Variants in RPL17 observed in about 807,000 individuals in gnomAD.
The protein encoded by RPL17 is large ribosomal subunit protein uL22.
In RPL17, 2 loss-of-function variants were observed where a neutral mutation model predicts 27.7. The ratio of observed to expected loss-of-function variants is 0.07; its 90% CI spans 0.03 to 0.23. The LOEUF (loss-of-function observed/expected upper bound fraction) is 0.23, where lower values mean the gene tolerates loss of function less well. RPL17 is among the 10% of genes least tolerant of loss of function. The pLI is 1.00. For synonymous variants in RPL17, 76 were observed against 75.5 expected (o/e 1.01, Z -0.03); for missense variants, 141 against 238.8 (o/e 0.59, Z 2.70).
chr18:49,491,085 C>G, intron 3 of RPL17, 158 bp from the exon 4 acceptor site: 1 of 1,234,592 alleles, frequency 8.1e-7, no homozygotes, highest in Non-Finnish European at 1.1e-6. Flanking sequence ...GCCAGGTAAA[C>G]TTCGTTGAAG....
chr18:49,491,394 G>C lies in RPL17; in HGVS notation c.81+11C>G. 1 of 1,614,182 alleles carries C rather than the reference G, an allele frequency of 6.2e-7. No individual in the cohort carries two copies. The highest frequency in any genetic ancestry group is 1.1e-5 in the South Asian group (1 of 91,068). On this transcript the variant is annotated intron_variant, in intron 3 of 6. Coordinates refer to ENST00000580261, the MANE Select transcript of RPL17 (RefSeq NM_001035006.5). Reference sequence around the variant, plus strand: ...TGAGGAACTGTTGGATCACAACTATGAATCGCATACCTTAAAGTGAACACG... The same window carrying C: ...TGAGGAACTGTTGGATCACAACTATCAATCGCATACCTTAAAGTGAACACG...
intron 5 of RPL17, chr18:49,490,231 A>C (rs2148820205): frequency 1.9e-6 from 1 of 523,574 alleles, no homozygotes; most frequent in East Asian, 3.4e-5. Flanking sequence ...GTTAGGCTTA[A>C]AGAGACCACA....
chr18:49,490,194 G>C (rs1328659171), intron 5 of RPL17: 2 of 400,508 alleles, frequency 5.0e-6, no homozygotes, highest in Non-Finnish European at 9.0e-6. Context: ...AGTGTAAAAA[G>C]ACAGCAGAAA....
At position 49,489,993 on chromosome 18, in the gene RPL17, C is replaced by T. The variant is rs374891974; in HGVS notation, c.316-443G>A. Reference sequence around the variant, plus strand: ...AATGGAGAAATTTGTGTTTTGTCAACACAAGTTTGTCATTGTTTAAACTTT... The same window carrying T: ...AATGGAGAAATTTGTGTTTTGTCAATACAAGTTTGTCATTGTTTAAACTTT... On this transcript the variant is annotated intron_variant, in intron 5 of 6. Coordinates refer to ENST00000580261, the MANE Select transcript of RPL17 (RefSeq NM_001035006.5). Among the ~76,000 whole-genome samples the T allele has an allele frequency of 4.7e-4, 72 of 152,304 alleles. 1 individual carries two copies. The South Asian group carries it at 0.014, about 30-fold the overall frequency.
Position 49,489,339 on chromosome 18 carries a change from C to T in RPL17, c.507+20G>A, listed in dbSNP as rs370782659. On this transcript the variant is annotated intron_variant, in intron 6 of 6. Transcript: ENST00000580261. ...AATCTTTCTACTATCACAAACAAAA[C>T]CGAGCAACTACTTATTTACCTTTTT... 1.2e-6 allele frequency: 2 copies of T among 1,613,468 alleles called. No homozygotes were observed. The highest frequency in any genetic ancestry group is 1.7e-5 in the Admixed American group (1 of 59,982).
intron 5 of RPL17, chr18:49,490,242 G>C: frequency 1.8e-6 from 1 of 546,396 alleles, no homozygotes; most frequent in South Asian, 2.1e-5. Flanking sequence ...AGAGACCACA[G>C]AGCACGCTTC....
At position 49,491,746 on chromosome 18, in the gene RPL17, C is replaced by G. The variant is rs147159677; in HGVS notation, c.-13-162G>C. ...TCATCGCAGCCATACTTTCCCCCAC[C>G]AAGGGCTTGCTTTCCCTTTTATCTT... On this transcript the variant is annotated intron_variant, in intron 1 of 6. Transcript: ENST00000580261. 210 of 946,010 alleles carry G rather than the reference C, an allele frequency of 2.2e-4. No individual in the cohort carries two copies. In the African/African-American group the frequency reaches 3.0e-3, roughly 13 times the overall value. 58.6% of individuals were successfully genotyped at this position (946,010 alleles called of 1,614,324 possible).
At chr18:49,488,697 T>C in intron 6 of RPL17, 131 bp from the exon 7 acceptor site, 1 of 641,670 alleles carries the variant, frequency 1.6e-6, no homozygotes, top group Non-Finnish European at 2.8e-6. Flanking sequence ...ATGGTAGAAA[T>C]CAACAGAACT....
rs917165900 is a variant in RPL17 at position 49,491,206 on chromosome 18, G to A, written c.81+199C>T. 5 of 978,304 alleles carry A rather than the reference G, an allele frequency of 5.1e-6. No individual in the cohort carries two copies. In the Admixed American group the frequency reaches 8.7e-5, roughly 17 times the overall value. 60.6% of individuals were successfully genotyped at this position (978,304 alleles called of 1,614,324 possible). On this transcript the variant is annotated intron_variant, in intron 3 of 6. Coordinates refer to ENST00000580261, the MANE Select transcript of RPL17 (RefSeq NM_001035006.5). ...TGATCTGCACACTAGGTTTTCAAAT[G>A]GTTTTCTGGTACTACTTCTCAATTT...
rs780166361 is a variant in RPL17 at position 49,490,920 on chromosome 18, C to T, written c.89G>A (p.Arg30His). ...SNLRVHFKNTRETAQAIKGMH... is the reference protein window; with the variant it reads ...SNLRVHFKNTHETAQAIKGMH... ...ACCCTTGATGGCCTGAGCAGTTTCA[C>T]GAGTGTTCTAAGTATGAAGAATAAA... Residue 30 changes from arginine (R) to histidine (H), a missense_variant, in exon 4 of 7, where the codon CGT (arginine) becomes CAT (histidine). Physicochemically the swap from Arg to His is conservative, Grantham distance 29 (BLOSUM62 0). Around this residue, in one of 2 missense-constraint regions of RPL17, gnomAD observed 107 missense variants for 150.1 expected, o/e 0.71. Coordinates refer to ENST00000580261, the MANE Select transcript of RPL17 (RefSeq NM_001035006.5). 3.2e-5 allele frequency: 51 copies of T among 1,613,710 alleles called. No homozygotes were observed. Among genetic ancestry groups the T allele is most frequent in the East Asian group, 1.1e-4 (5 of 44,896 alleles).
chr18:49,490,194 GAC>G (rs2083953755), intron 5 of RPL17: 1 of 400,626 alleles, frequency 2.5e-6, no homozygotes, highest in Non-Finnish European at 4.5e-6. Context: ...AGTGTAAAAA[GAC>G]AGCAGAAAAC....
chr18:49,491,049 G>C (rs2084035706), intron 3 of RPL17, 122 bp from the exon 4 acceptor site: 1 of 1,486,942 alleles, frequency 6.7e-7, no homozygotes, highest in Middle Eastern at 2.1e-4. Context: ...TGGGGGCAAG[G>C]CAATTAAAAA....
chr18:49,491,842 G>A (rs2084114356), intron 1 of RPL17: 1 of 665,328 alleles, frequency 1.5e-6, no homozygotes. Context: ...CCCTTTGGAA[G>A]AAAATACAGC....
Position 49,489,209 on chromosome 18 carries a change from C to A in RPL17, c.507+150G>T. 6.2e-6 allele frequency: 5 copies of A among 808,834 alleles called. No homozygotes were observed. The South Asian group carries it at 9.2e-5, about 15-fold the overall frequency. The allele number at this position is 808,834 out of a possible 1,614,324, so 50.1% of individuals were successfully genotyped here. Reference sequence around the variant, plus strand: ...TTACCATTTATTATTAGTCAAGAAACAAACTTACAAAAGCCAAAATAAGAC... The same window carrying A: ...TTACCATTTATTATTAGTCAAGAAAAAAACTTACAAAAGCCAAAATAAGAC... On this transcript the variant is annotated intron_variant, in intron 6 of 6. Coordinates refer to ENST00000580261, the MANE Select transcript of RPL17 (RefSeq NM_001035006.5).
At position 49,489,536 on chromosome 18, in the gene RPL17, A is replaced by G. The variant is rs976169989; in HGVS notation, c.330T>C (p.Asp110=). ...SNAELKGLDV[D]SLVIEHIQVN... is the part of the protein sequence containing the mutation. ...CTTGGATATGCTCAATGACCAGAGA[A>G]TCTACATCTAAACCCTGGGGAAGAA... Residue 110 remains aspartate, a synonymous_variant, in exon 6 of 7, where the codon GAT becomes GAC. Transcript: ENST00000580261. The G allele has an allele frequency of 1.9e-6, 3 of 1,600,332 alleles. No homozygotes were observed. Among genetic ancestry groups the G allele is most frequent in the Non-Finnish European group, 2.5e-6 (3 of 1,179,824 alleles).
chr18:49,490,320 GA>G (rs1419068279), intron 5 of RPL17, 133 bp downstream of exon 5: 11 of 933,948 alleles, frequency 1.2e-5, no homozygotes, highest in Non-Finnish European at 1.7e-5. Context: ...TCATTCTGTG[GA>G]AACTGCAGGT....
chr18:49,491,507 G>T, intron 2 of RPL17, 25 bp downstream of exon 2: 1 of 1,614,142 alleles, frequency 6.2e-7, no homozygotes, highest in Non-Finnish European at 8.5e-7. Flanking sequence ...AGTAGGAAAT[G>T]GGTATCTACC....
At position 49,491,588 on chromosome 18, in the gene RPL17, G is replaced by A. The variant is rs572092797; in HGVS notation, c.-13-4C>T. The A allele has an allele frequency of 4.3e-6, 7 of 1,614,032 alleles. No homozygotes were observed. Among genetic ancestry groups the A allele is most frequent in the Non-Finnish European group, 5.9e-6 (7 of 1,180,044 alleles). On this transcript the variant is annotated splice_region_variant and splice_polypyrimidine_tract_variant and intron_variant, in intron 1 of 6. Transcript: ENST00000580261. ...GCGAACCATTTTCACAGATCACCTA[G>A]AGGAAAGTACAGTGTAATTCTGTCA...
intron 3 of RPL17, chr18:49,491,186 T>C (rs2084044178): frequency 4.4e-6 from 4 of 918,928 alleles, no homozygotes; most frequent in Non-Finnish European, 7.1e-6. Flanking sequence ...CATCTTGATC[T>C]GCACACTAGG....
Sources: gnomAD v4.1 joint callset for allele counts (sites outside exome capture counted in the v4.1 genomes callset) on GRCh38, gnomAD v4.1.1 for gene constraint, gnomAD v4.1.1 regional missense constraint, MANE v1.5 for transcripts, NCBI Gene and HGNC (gene_info 2026-07-23, HGNC 2026-07-21) for gene names.